The following ABCA4 variants were observed in gnomAD, a reference collection of about 807,000 sequenced individuals.
ABCA4 encodes retinal-specific phospholipid-transporting ATPase ABCA4.
ABCA4 carries 196 observed loss-of-function variants against 263.7 expected under a neutral mutation model. The observed-to-expected ratio is 0.74, with a 90% CI of 0.66 to 0.84. The LOEUF (loss-of-function observed/expected upper bound fraction) is 0.84. Ranked by LOEUF, ABCA4 falls within the 40% of genes least tolerant of loss-of-function variation. The pLI is 0.00. For missense variants in ABCA4, 2,792 were observed against 2,855.1 expected (o/e 0.98, Z 0.50); for synonymous variants, 1,133 against 1,094.2 (o/e 1.04, Z -0.70).
chr1:94,023,308 T>C (rs886940719), intron 32 of ABCA4, 78 bp downstream of exon 32: 4 of 1,223,842 alleles, frequency 3.3e-6, no homozygotes, highest in Non-Finnish European at 4.8e-6. Context: ...GGCTGTGAGG[T>C]GTGCCTTTTA....
At chr1:94,076,892 G>C (rs553011834) in intron 11 of ABCA4, among the ~76,000 whole-genome samples, 1 of 152,306 alleles carries the variant, frequency 6.6e-6, no homozygotes, top group Admixed American at 6.5e-5. Context: ...AGGAGACAAA[G>C]CTTGGTAAGA....
Position 94,103,066 on chromosome 1 carries a change from C to T in ABCA4, c.519G>A (p.Leu173=), listed in dbSNP as rs1165649536. 6.2e-7 allele frequency: 1 copy of T among 1,614,078 alleles called. No homozygotes were observed. Among genetic ancestry groups the T allele is most frequent in the African/African-American group, 1.3e-5 (1 of 74,924 alleles). Reference sequence around the variant, plus strand: ...TCAGAAGGTAGACCACTGAGTCAGACAGGCCGATGTTTTTAATGAGAAATA... The same window carrying T: ...TCAGAAGGTAGACCACTGAGTCAGATAGGCCGATGTTTTTAATGAGAAATA... ...LTLFLIKNIG[L]SDSVVYLLIN... The change falls in exon 5 of 50, where the codon CTG becomes CTA. Residue 173 remains leucine (L), a synonymous_variant. Transcript: ENST00000370225.
At chr1:94,091,705 C>T (rs1174301476) in intron 6 of ABCA4, among the ~76,000 whole-genome samples, 4 of 152,104 alleles carry the variant, frequency 2.6e-5, no homozygotes, top group Admixed American at 2.6e-4. Flanking sequence ...CAACTGACAG[C>T]ACTGCCAGCC....
Position 94,071,250 on chromosome 1 carries a change from G to T in ABCA4, c.1554+6440C>A, listed in dbSNP as rs535489296. ...AGGGATTAACAGCATTTATTCAAAT[G>T]TAGGTAGCTCAATCCATGCAAATGC... is the stretch of plus-strand genomic sequence containing the variant. On this transcript the variant is annotated intron_variant, in intron 11 of 49. Coordinates refer to ENST00000370225, the MANE Select transcript of ABCA4 (RefSeq NM_000350.3). 7.9e-5 allele frequency among the ~76,000 whole-genome samples: 12 copies of T among 152,320 alleles called. No individual in the cohort carries two copies. The South Asian group carries it at 2.5e-3, about 32-fold the overall frequency.
chr1:94,066,870 G>A (rs1484246610), intron 11 of ABCA4, among the ~76,000 whole-genome samples: 1 of 152,224 alleles, frequency 6.6e-6, no homozygotes, highest in Non-Finnish European at 1.5e-5. Flanking sequence ...TGGCAGGCAG[G>A]AGCCACAAAT....
intron 5 of ABCA4, among the ~76,000 whole-genome samples, chr1:94,100,033 G>A (rs942818435): frequency 6.6e-5 from 10 of 152,268 alleles, no homozygotes; most frequent in Admixed American, 1.3e-4. Flanking sequence ...GGGCAAATTC[G>A]TGAGATTCCC....
At chr1:94,025,170 T>C (rs953885409) in intron 30 of ABCA4, 122 bp from the exon 31 acceptor site, 1 of 824,472 alleles carries the variant, frequency 1.2e-6, no homozygotes, top group African/African-American at 1.7e-5. Context: ...AAATACTAAA[T>C]AAAGTACTGG....
At chr1:94,054,806 C>T (rs1660929311) in intron 16 of ABCA4, among the ~76,000 whole-genome samples, 1 of 152,082 alleles carries the variant, frequency 6.6e-6, no homozygotes, top group East Asian at 1.9e-4. Flanking sequence ...CACCACATGA[C>T]CTTGATTCTG....
intron 35 of ABCA4, among the ~76,000 whole-genome samples, chr1:94,020,964 G>A (rs1357894054): frequency 6.6e-6 from 1 of 152,238 alleles, no homozygotes; most frequent in Non-Finnish European, 1.5e-5. Context: ...GATAATAATT[G>A]TATAAGCTCC....
chr1:94,074,140 G>A (rs951824365), intron 11 of ABCA4, among the ~76,000 whole-genome samples: 4 of 152,200 alleles, frequency 2.6e-5, no homozygotes, highest in African/African-American at 9.6e-5. Context: ...CTGGGTTGAT[G>A]CTTAAGAATC....
In ABCA4 at chr1:94,055,133, C is replaced by G; in HGVS notation, c.2565G>C (p.Trp855Cys). The change falls in exon 16 of 50, where the codon TGG (tryptophan) becomes TGC (cysteine). Residue 855 changes from tryptophan to cysteine, a missense_variant. Trp to Cys is a radical substitution (Grantham distance 215). Coordinates refer to ENST00000370225, the MANE Select transcript of ABCA4 (RefSeq NM_000350.3). ...LDAAVYGLLA[W>C]YLDQVFPGDY... is the part of the protein sequence containing the mutation. ...TACCTGGAAACACCTGATCAAGGTA[C>G]CAAGCGAGTAAGCCATAGACAGCAG... 6.2e-7 allele frequency: 1 copy of G among 1,614,078 alleles called. No homozygotes were observed. Among genetic ancestry groups the G allele is most frequent in the Non-Finnish European group, 8.5e-7 (1 of 1,180,010 alleles).
chr1:94,046,161 G>C (rs3789399), intron 19 of ABCA4, among the ~76,000 whole-genome samples: 49,517 of 151,474 alleles, frequency 0.33, 9,870 homozygotes, highest in Non-Finnish European at 0.45. Context: ...AGCAGGACTC[G>C]GCCTGGTGCG....
intron 11 of ABCA4, 28 bp from the exon 12 acceptor site, chr1:94,063,345 T>C (rs763809514): frequency 6.2e-7 from 1 of 1,607,536 alleles, no homozygotes; most frequent in Non-Finnish European, 8.5e-7. Flanking sequence ...GTTGAGAGAG[T>C]GTGAGGAGGA....
chr1:94,023,322 G>T, intron 32 of ABCA4, 64 bp downstream of exon 32: 1 of 1,385,920 alleles, frequency 7.2e-7, no homozygotes, highest in South Asian at 1.2e-5. Context: ...CCTTTTAAAA[G>T]TGTGCAATTA....
chr1:94,061,646 T>C (rs1456275641), intron 13 of ABCA4, among the ~76,000 whole-genome samples: 2 of 152,240 alleles, frequency 1.3e-5, no homozygotes, highest in Admixed American at 1.3e-4. Context: ...AGCTCCCTAT[T>C]GCCTCCCCAC....
chr1:94,109,061 C>T lies in ABCA4; in HGVS notation c.303-345G>A, dbSNP rs187968482. 9.9e-5 allele frequency among the ~76,000 whole-genome samples: 15 copies of T among 152,276 alleles called. No individual in the cohort carries two copies. The East Asian group carries it at 1.7e-3, about 18-fold the overall frequency. On this transcript the variant is annotated intron_variant, in intron 3 of 49. Transcript: ENST00000370225. ...TGCTGGGATTACAGGCATGAGCCAC[C>T]GTGCTTGGCCATCTCATGCTATATT...
At chr1:94,072,844 C>T (rs961205504) in intron 11 of ABCA4, among the ~76,000 whole-genome samples, 2 of 152,116 alleles carry the variant, frequency 1.3e-5, no homozygotes, top group African/African-American at 4.8e-5. Flanking sequence ...TTTCCCCCTG[C>T]TAATGGGAGG....
At chr1:94,083,541 C>T in intron 6 of ABCA4, 100 bp from the exon 7 acceptor site, 1 of 833,444 alleles carries the variant, frequency 1.2e-6, no homozygotes, top group Admixed American at 2.0e-5. Context: ...AAAACTCCCC[C>T]CCTCCTTCTT....
intron 22 of ABCA4, among the ~76,000 whole-genome samples, chr1:94,042,456 T>A (rs184070946): frequency 1.1e-3 from 162 of 152,268 alleles, no homozygotes; most frequent in Non-Finnish European, 7.2e-4. Context: ...TGGGTCCCCA[T>A]GGTCAGAGAA....
Sources: allele counts gnomAD v4.1 joint callset (sites outside exome capture counted in the v4.1 genomes callset), GRCh38; gene constraint gnomAD v4.1.1; transcripts MANE v1.5; gene names NCBI Gene and HGNC (gene_info 2026-07-23, HGNC 2026-07-21).